KCNMB3: variants seen among roughly 807,000 people sequenced by gnomAD.
The protein encoded by KCNMB3 is calcium-activated potassium channel subunit beta-3.
A neutral mutation model predicts 11.9 loss-of-function variants in KCNMB3; 18 were observed. That is an observed-to-expected ratio of 1.51 (90% CI 1.04 to 2.23). The LOEUF (loss-of-function observed/expected upper bound fraction) is 2.23, where lower values mean the gene tolerates loss of function less well. Among genes scored for constraint, KCNMB3 ranks in the 30% most tolerant of loss-of-function variants. The pLI is 0.00. For synonymous variants in KCNMB3, 78 were observed against 119.2 expected (o/e 0.65, Z 2.25); for missense variants, 247 against 329.4 (o/e 0.75, Z 1.94).
chr3:179,247,959 C>T (rs1270171103), intron 1 of KCNMB3, among the ~76,000 whole-genome samples: 2 of 152,028 alleles, frequency 1.3e-5, no homozygotes, highest in African/African-American at 2.4e-5. Context: ...AAAGGGCTGT[C>T]CAAAAATAAA....
At chr3:179,244,443 A>T (rs551686169) in intron 2 of KCNMB3, 52 bp downstream of exon 2, 3 of 1,454,618 alleles carry the variant, frequency 2.1e-6, no homozygotes, top group African/African-American at 2.8e-5. Flanking sequence ...TGCTAGGGAC[A>T]GTCTGGCAGG....
Position 179,250,918 on chromosome 3 carries a change from A to G in KCNMB3, c.73T>C (p.Ser25Pro). ...TAGTCTGTCTCTCTCTTCTTCCCTG[A>G]GGCAGGAAAGGCTGTCCTTTGGGGA... is the stretch of plus-strand genomic sequence containing the variant. ...PFPQRTAFPA[S>P]GKKRETDYSD... The change falls in exon 1 of 3, where the codon TCA (serine) becomes CCA (proline). Residue 25 changes from serine (S) to proline (P), a missense_variant. Around this residue, in one of 2 missense-constraint regions of KCNMB3, gnomAD observed 160 missense variants for 157.5 expected, o/e 1.02. Coordinates refer to ENST00000392685, the MANE Select transcript of KCNMB3 (RefSeq NM_171830.2). 1 of 1,614,054 alleles carries G rather than the reference A, an allele frequency of 6.2e-7. No homozygotes were observed. The highest frequency in any genetic ancestry group is 8.5e-7 in the Non-Finnish European group (1 of 1,180,004).
chr3:179,246,625 G>A (rs1272289151), intron 1 of KCNMB3, among the ~76,000 whole-genome samples: 6 of 152,134 alleles, frequency 3.9e-5, no homozygotes, highest in Admixed American at 2.0e-4. Flanking sequence ...ATACAAAAGC[G>A]GAAAATAAGA....
At position 179,260,755 on chromosome 3, in the gene KCNMB3, T is replaced by C. The variant is rs1033782608; in HGVS notation, c.62+5894A>G. The C allele has an allele frequency of 7.0e-6, 10 of 1,435,268 alleles. No homozygotes were observed. In the African/African-American group the frequency reaches 1.4e-4, roughly 20 times the overall value. The allele number at this position is 1,435,268 out of a possible 1,614,324, so 88.9% of individuals were successfully genotyped here. On this transcript the variant is annotated intron_variant, in intron 1 of 3. Transcript: ENST00000349697. ...TGACTTCAGCAAACTGAAACTGCAGTATACTGTGGGCGTGTTTTTCCCTTT... is the reference window on the plus strand; with the variant it reads ...TGACTTCAGCAAACTGAAACTGCAGCATACTGTGGGCGTGTTTTTCCCTTT...
chr3:179,264,507 T>C (rs73188915), intron 1 of KCNMB3, among the ~76,000 whole-genome samples: 24,145 of 152,208 alleles, frequency 0.16, 2,070 homozygotes, highest in Admixed American at 0.22. Context: ...TGAGCTGTTT[T>C]ATTCATAATC....
downstream of KCNMB3, chr3:179,240,172 A>C: frequency 1.4e-6 from 1 of 716,476 alleles, no homozygotes; most frequent in Admixed American, 3.2e-5. Flanking sequence ...TCCTTTTGAA[A>C]AGCAAGCCGG....
At chr3:179,242,720 A>T, downstream of KCNMB3, 1 of 1,023,848 alleles carries the variant, frequency 9.8e-7, no homozygotes. Context: ...AAAGATGGTG[A>T]ATTTGTATGT....
intron 1 of KCNMB3, among the ~76,000 whole-genome samples, chr3:179,265,750 GC>G (rs1470086998): frequency 6.6e-6 from 1 of 152,142 alleles, no homozygotes; most frequent in African/African-American, 2.4e-5. Context: ...GAGCCACCGC[GC>G]CTGGCACAAA....
chr3:179,250,521 G>A (rs539615220), intron 1 of KCNMB3, among the ~76,000 whole-genome samples: 1 of 152,288 alleles, frequency 6.6e-6, no homozygotes, highest in East Asian at 1.9e-4. Context: ...TATGAGATGG[G>A]AGGAGGCAGT....
chr3:179,266,353 T>C (rs1726368605), intron 1 of KCNMB3, among the ~76,000 whole-genome samples: 2 of 152,230 alleles, frequency 1.3e-5, no homozygotes, highest in Admixed American at 6.5e-5. Context: ...CAGATCATTC[T>C]TGAGCACCAA....
intron 1 of KCNMB3, chr3:179,259,698 A>G: frequency 6.3e-7 from 1 of 1,595,886 alleles, no homozygotes; most frequent in South Asian, 1.2e-5. Context: ...TTCTATGGGT[A>G]CTGGGGATTT....
chr3:179,251,272 A>C, upstream of KCNMB3: 14 of 1,454,848 alleles, frequency 9.6e-6, no homozygotes, highest in Non-Finnish European at 1.3e-5. Context: ...GGGATATTGC[A>C]CGTCCCTCCT....
intron 1 of KCNMB3, among the ~76,000 whole-genome samples, chr3:179,257,582 T>C (rs1051712566): frequency 6.6e-6 from 1 of 152,212 alleles, no homozygotes; most frequent in Admixed American, 6.5e-5. Flanking sequence ...ATACCAAAAG[T>C]GATTCAGCTC....
chr3:179,240,045 C>G (rs140852530), downstream of KCNMB3: 658 of 1,547,272 alleles, frequency 4.3e-4, 4 homozygotes, highest in African/African-American at 7.9e-3. Flanking sequence ...TTCTTTAACT[C>G]TGCAGTCTGT....
chr3:179,250,792 G>A lies in KCNMB3; in HGVS notation c.199C>T (p.Leu67=). Residue 67 remains leucine, a synonymous_variant, in exon 1 of 3, where the codon CTA becomes TTA. Transcript: ENST00000392685. The part of the protein sequence containing the change: ...LGFAMMGFSV[L]MFFLLGTTIL... ...GTTGTTCCGAGCAAGAAGAACATTA[G>A]GACTGAGAAGCCCATCATGGCAAAC... is the stretch of plus-strand genomic sequence containing the variant. 1 of 1,614,172 alleles carries A rather than the reference G, an allele frequency of 6.2e-7. No homozygotes were observed. The highest frequency in any genetic ancestry group is 8.5e-7 in the Non-Finnish European group (1 of 1,180,046).
At chr3:179,253,178 C>T (rs1307752368), upstream of KCNMB3, among the ~76,000 whole-genome samples, 1 of 152,154 alleles carries the variant, frequency 6.6e-6, no homozygotes, top group Non-Finnish European at 1.5e-5. Flanking sequence ...TGCTCTGTAG[C>T]GTAAGGTATC....
At chr3:179,252,157 C>A (rs1056535540), upstream of KCNMB3, among the ~76,000 whole-genome samples, 7 of 152,160 alleles carry the variant, frequency 4.6e-5, no homozygotes, top group African/African-American at 1.7e-4. Flanking sequence ...GCGGGCCCAG[C>A]AGAGCAGTGG....
At chr3:179,260,584 ATTTAAC>A in intron 1 of KCNMB3, 1 of 1,518,070 alleles carries the variant, frequency 6.6e-7, no homozygotes, top group East Asian at 2.2e-5. Context: ...ACTTGAGGGC[ATTTAAC>A]TCTTCTTTCG....
chr3:179,263,800 CTTTTTTTTTTTTTTT>C (rs60270913), intron 1 of KCNMB3, among the ~76,000 whole-genome samples: 1 of 59,978 alleles, frequency 1.7e-5, no homozygotes, highest in Non-Finnish European at 2.9e-5. Context: ...TTTTTCTTTT[CTTTTTTTTTTTTTTT>C]TTTTTTTTGA....
Sources: allele counts gnomAD v4.1 joint callset (sites outside exome capture counted in the v4.1 genomes callset), GRCh38; gene constraint gnomAD v4.1.1; regional missense constraint gnomAD v4.1.1; transcripts MANE v1.5; gene names NCBI Gene and HGNC (gene_info 2026-07-23, HGNC 2026-07-21).